The following JAM2 variants were observed in gnomAD, a reference collection of about 807,000 sequenced individuals.
JAM2 encodes the protein junctional adhesion molecule 2.
In JAM2, 17 loss-of-function variants were observed where a neutral mutation model predicts 42.0. That is an observed-to-expected ratio of 0.40 (90% CI 0.28 to 0.61). The LOEUF (loss-of-function observed/expected upper bound fraction) is 0.61. Ranked by LOEUF, JAM2 falls within the 20% of genes least tolerant of loss-of-function variation. The pLI, the probability that JAM2 is intolerant of heterozygous loss-of-function variation, is 0.37. For synonymous variants in JAM2, 118 were observed against 128.6 expected (o/e 0.92, Z 0.56); for missense variants, 319 against 358.3 (o/e 0.89, Z 0.89).
intron 1 of JAM2, among the ~76,000 whole-genome samples, chr21:25,650,038 T>C (rs1481220671): frequency 6.6e-6 from 1 of 152,200 alleles, no homozygotes; most frequent in Non-Finnish European, 1.5e-5. Context: ...ACTCATTTGC[T>C]TCTGTGAGAA....
intron 1 of JAM2, among the ~76,000 whole-genome samples, chr21:25,680,729 C>A (rs1403829785): frequency 5.3e-5 from 8 of 152,104 alleles, no homozygotes; most frequent in Non-Finnish European, 1.2e-4. Flanking sequence ...GTACAAAATA[C>A]TCCATAAAAA....
At chr21:25,652,734 G>A (rs1417246799) in intron 1 of JAM2, among the ~76,000 whole-genome samples, 2 of 152,098 alleles carry the variant, frequency 1.3e-5, no homozygotes, top group South Asian at 2.1e-4. Context: ...ATCTGATTTG[G>A]AAATGTTCTA....
rs199713098 is a variant in JAM2, at chr21:25,715,978, CTTCT to C, written c.*1313_*1316del. On this transcript the variant is annotated 3_prime_UTR_variant, in exon 10 of 10. Coordinates refer to ENST00000480456, the MANE Select transcript of JAM2 (RefSeq NM_021219.4). ...GACAACTATGAACATGATGGTTAATCTTCTTTCTTTTTTTTTTTTTTTTTTTGAG... is the reference window on the plus strand; with the variant it reads ...GACAACTATGAACATGATGGTTAATCTTCTTTTTTTTTTTTTTTTTTTGAG... 16,984 of 134,578 alleles carry C rather than the reference CTTCT, an allele frequency of 0.13. 940 individuals are homozygous for C. The highest frequency in any genetic ancestry group is 0.21 in the South Asian group (848 of 4,132). 8.3% of individuals were successfully genotyped at this position (134,578 alleles called of 1,614,324 possible).
rs116601309 is a variant in JAM2, at chr21:25,644,654, T to C, written c.67+4766T>C. ...CTACAACTGCAATTCCTATTTACCATGTAAAGTAAGATATTTATAGGTTCT... is the reference window on the plus strand; with the variant it reads ...CTACAACTGCAATTCCTATTTACCACGTAAAGTAAGATATTTATAGGTTCT... On this transcript the variant is annotated intron_variant, in intron 1 of 9. Coordinates refer to ENST00000480456, the MANE Select transcript of JAM2 (RefSeq NM_021219.4). Among the ~76,000 whole-genome samples the C allele has an allele frequency of 5.7e-3, 862 of 152,344 alleles. 6 individuals are homozygous for C. The highest frequency in any genetic ancestry group is 0.02 in the African/African-American group (811 of 41,572).
At position 25,693,915 on chromosome 21, in the gene JAM2, T is replaced by C; in HGVS notation, c.394+7T>C. The stretch of plus-strand genomic sequence containing the variant: ...GTCACTCTGGAAGTATTAGGTGATG[T>C]GCATGTATGTGTGTGACTACGTCTC... On this transcript the variant is annotated splice_region_variant and intron_variant, in intron 4 of 9. Transcript: ENST00000480456. 6.2e-7 allele frequency: 1 copy of C among 1,613,504 alleles called. No individual in the cohort carries two copies. Among genetic ancestry groups the C allele is most frequent in the Non-Finnish European group, 8.5e-7 (1 of 1,179,666 alleles).
At chr21:25,680,740 G>A (rs2033610047) in intron 1 of JAM2, among the ~76,000 whole-genome samples, 1 of 152,188 alleles carries the variant, frequency 6.6e-6, no homozygotes, top group South Asian at 2.1e-4. Flanking sequence ...TCCATAAAAA[G>A]GAGGTAGTTT....
At chr21:25,656,928 C>T (rs1222394570) in intron 1 of JAM2, among the ~76,000 whole-genome samples, 1 of 152,140 alleles carries the variant, frequency 6.6e-6, no homozygotes, top group East Asian at 1.9e-4. Context: ...CAGCCTTTTT[C>T]ATTATGTGGG....
rs947316190 is a variant in JAM2 at position 25,716,727 on chromosome 21, G to C, written c.*2055G>C. On this transcript the variant is annotated 3_prime_UTR_variant, in exon 10 of 10. Coordinates refer to ENST00000480456, the MANE Select transcript of JAM2 (RefSeq NM_021219.4). Reference sequence around the variant, plus strand: ...AAAACAGCAGGCACAGACAAGATTTGGCCCACAGGCATAGATTCCCAACTC... The same window carrying C: ...AAAACAGCAGGCACAGACAAGATTTCGCCCACAGGCATAGATTCCCAACTC... 1 of 152,112 alleles carries C rather than the reference G, an allele frequency of 6.6e-6. No individual in the cohort carries two copies. Among genetic ancestry groups the C allele is most frequent in the Non-Finnish European group, 1.5e-5 (1 of 68,040 alleles). The allele number at this position is 152,112 out of a possible 1,614,324, so 9.4% of individuals were successfully genotyped here. A position where few individuals can be genotyped will look rare whatever the true frequency, so the allele number is the denominator to read the frequency against.
At chr21:25,678,420 T>C (rs1246036719) in intron 1 of JAM2, among the ~76,000 whole-genome samples, 1 of 152,108 alleles carries the variant, frequency 6.6e-6, no homozygotes, top group Non-Finnish European at 1.5e-5. Context: ...AATAAAGGAA[T>C]GCAGGAGAAG....
chr21:25,649,504 C>T (rs946911318), intron 1 of JAM2, among the ~76,000 whole-genome samples: 1 of 152,124 alleles, frequency 6.6e-6, no homozygotes, highest in African/African-American at 2.4e-5. Context: ...AATTACCTGC[C>T]ACCGTGTCTC....
intron 1 of JAM2, among the ~76,000 whole-genome samples, chr21:25,677,582 A>G (rs549084024): frequency 2.0e-5 from 3 of 152,324 alleles, no homozygotes; most frequent in Admixed American, 6.5e-5. Flanking sequence ...AGAGTGTACT[A>G]AAGTTTGCCT....
At chr21:25,669,668 T>C (rs1294277706) in intron 1 of JAM2, among the ~76,000 whole-genome samples, 1 of 152,216 alleles carries the variant, frequency 6.6e-6, no homozygotes, top group Admixed American at 6.5e-5. Context: ...TTCATTTTAC[T>C]TAAACTGAGG....
intron 1 of JAM2, among the ~76,000 whole-genome samples, chr21:25,647,184 T>G (rs2032639085): frequency 6.6e-6 from 1 of 152,244 alleles, no homozygotes; most frequent in Non-Finnish European, 1.5e-5. Flanking sequence ...CACATTTTCT[T>G]ATATGTCTAA....
At chr21:25,671,577 C>T (rs769707330) in intron 1 of JAM2, among the ~76,000 whole-genome samples, 3 of 152,114 alleles carry the variant, frequency 2.0e-5, no homozygotes, top group Non-Finnish European at 4.4e-5. Context: ...ACAATCTCAG[C>T]CCACTGCAAC....
At chr21:25,652,933 G>A (rs1391039216) in intron 1 of JAM2, among the ~76,000 whole-genome samples, 3 of 152,174 alleles carry the variant, frequency 2.0e-5, no homozygotes. Context: ...CCATTTTGGT[G>A]GCTCCAGATC....
In JAM2 at chr21:25,670,317, C is replaced by A. The variant is rs144225816; in HGVS notation, c.68-13566C>A. Among the ~76,000 whole-genome samples the A allele has an allele frequency of 8.9e-3, 1,354 of 152,080 alleles. 22 individuals are homozygous for A. The highest frequency in any genetic ancestry group is 0.031 in the African/African-American group (1,284 of 41,476). Reference sequence around the variant, plus strand: ...TGGGCAACGTAAAGAGACCCTGTCTCTACAAAAAACACAAAAATTAGCCAG... The same window carrying A: ...TGGGCAACGTAAAGAGACCCTGTCTATACAAAAAACACAAAAATTAGCCAG... On this transcript the variant is annotated intron_variant, in intron 1 of 9. Coordinates refer to ENST00000480456, the MANE Select transcript of JAM2 (RefSeq NM_021219.4).
intron 1 of JAM2, among the ~76,000 whole-genome samples, chr21:25,670,120 T>A (rs932799765): frequency 2.6e-5 from 4 of 152,202 alleles, no homozygotes; most frequent in Non-Finnish European, 5.9e-5. Flanking sequence ...ACAATTAGAC[T>A]TTTGCCTACC....
intron 2 of JAM2, among the ~76,000 whole-genome samples, chr21:25,685,296 C>T (rs190781320): frequency 4.0e-5 from 6 of 151,792 alleles, no homozygotes; most frequent in African/African-American, 1.4e-4. Context: ...TGCCTGTAAT[C>T]TCAAACTCCT....
chr21:25,654,557 A>G (rs1390469910), intron 1 of JAM2, among the ~76,000 whole-genome samples: 2 of 151,742 alleles, frequency 1.3e-5, no homozygotes, highest in Non-Finnish European at 2.9e-5. Flanking sequence ...CTGAGACACA[A>G]GAATCGCTTG....
Sources: gnomAD v4.1 joint callset for allele counts (sites outside exome capture counted in the v4.1 genomes callset) on GRCh38, gnomAD v4.1.1 for gene constraint, MANE v1.5 for transcripts, NCBI Gene and HGNC (gene_info 2026-07-23, HGNC 2026-07-21) for gene names.